NCAN: variants seen among roughly 807,000 people sequenced by gnomAD.
NCAN encodes neurocan, also known as neurocan core protein.
Under a neutral mutation model 121.8 loss-of-function variants are expected in NCAN, and 47 were observed. The ratio of observed to expected loss-of-function variants is 0.39; its 90% confidence interval spans 0.31 to 0.49. The LOEUF (loss-of-function observed/expected upper bound fraction) is 0.49. Among genes scored for constraint, NCAN ranks in the 20% least tolerant of loss-of-function variants. The pLI is 0.92. For missense variants in NCAN, 1,517 were observed against 1,773.4 expected, an observed-to-expected ratio of 0.86 and a Z score of 2.60; for synonymous variants, 633 against 702.0, an observed-to-expected ratio of 0.90 and a Z score of 1.55.
chr19:19,239,143 C>G (rs1378588707), intron 11 of NCAN, among the ~76,000 whole-genome samples: 1 of 152,102 alleles, frequency 6.6e-6, no homozygotes, highest in Non-Finnish European at 1.5e-5. Flanking sequence ...TCCCCTACTT[C>G]TCATTTCTGC....
At chr19:19,236,786 T>C (rs200496612) in intron 10 of NCAN, among the ~76,000 whole-genome samples, 1 of 151,562 alleles carries the variant, frequency 6.6e-6, no homozygotes, top group Admixed American at 6.6e-5. Context: ...GAAAGTACAG[T>C]GGTACAATCA....
intron 3 of NCAN, among the ~76,000 whole-genome samples, chr19:19,221,234 C>T (rs1415715189): frequency 6.7e-6 from 1 of 148,374 alleles, no homozygotes; most frequent in Admixed American, 6.7e-5. Flanking sequence ...CAGCAAGACC[C>T]TGTCTCAAAA....
Position 19,227,470 on chromosome 19 carries a change from C to T in NCAN, c.1850C>T (p.Ala617Val). ...LEATVSAPSP[A>V]PWEAFPVATS... ...GCCACTGTCTCAGCTCCCAGCCCTG[C>T]CCCCTGGGAGGCATTCCCTGTGGCC... The change falls in exon 8 of 15, where the codon GCC becomes GTC. Residue 617 changes from alanine (A) to valine (V), a missense_variant. Physicochemically the swap from Ala to Val is moderately conservative, Grantham distance 64 (BLOSUM62 0). Transcript: ENST00000252575. This position sits in a 1 kb window ranked among gnomAD's most constrained non-coding sequence, Gnocchi z 4.2. 6.2e-7 allele frequency: 1 copy of T among 1,613,550 alleles called. No homozygotes were observed. The highest frequency in any genetic ancestry group is 1.7e-5 in the Admixed American group (1 of 59,980).
At chr19:19,228,788 T>G (rs1424148394) in intron 8 of NCAN, 149 bp downstream of exon 8, 9 of 885,224 alleles carry the variant, frequency 1.0e-5, no homozygotes, top group Non-Finnish European at 1.5e-5. Flanking sequence ...TAGGAGCTTA[T>G]CAGGTGGAGT....
chr19:19,214,763 T>TGAGA (rs927690558), intron 1 of NCAN, among the ~76,000 whole-genome samples: 2 of 92,090 alleles, frequency 2.2e-5, no homozygotes, highest in African/African-American at 6.4e-5. Context: ...TGTGTGTGTG[T>TGAGA]GAGAGAGAGA....
In NCAN at chr19:19,226,911, C is replaced by G; in HGVS notation, c.1498C>G (p.Leu500Val). The change falls in exon 7 of 15, where the codon CTG becomes GTG. Residue 500 changes from leucine to valine, a missense_variant. Physicochemically the swap from Leu to Val is conservative, Grantham distance 32. Coordinates refer to ENST00000252575, the MANE Select transcript of NCAN (RefSeq NM_004386.3). ...YFQQQEPEPG[L>V]QGGMEASAQP... The stretch of plus-strand genomic sequence containing the variant: ...CCAGCAGCAGGAACCGGAGCCGGGG[C>G]TGCAAGGGGGGATGGAGGCCAGCGC... 1.2e-6 allele frequency: 2 copies of G among 1,603,490 alleles called. No individual in the cohort carries two copies. The highest frequency in any genetic ancestry group is 1.7e-6 in the Non-Finnish European group (2 of 1,173,776).
At chr19:19,244,701 C>T (rs951367433) in intron 12 of NCAN, among the ~76,000 whole-genome samples, 1 of 151,282 alleles carries the variant, frequency 6.6e-6, no homozygotes, top group African/African-American at 2.4e-5. Flanking sequence ...ATTTGTCCCA[C>T]CATGTATCTT....
chr19:19,226,694 G>C lies in NCAN; in HGVS notation c.1281G>C (p.Gln427His), dbSNP rs1347023477. 6.2e-7 allele frequency: 1 copy of C among 1,613,012 alleles called. No individual in the cohort carries two copies. The highest frequency in any genetic ancestry group is 1.3e-5 in the African/African-American group (1 of 74,932). Residue 427 changes from glutamine (Q) to histidine (H), a missense_variant, in exon 7 of 15, where the codon CAG (glutamine) becomes CAC (histidine). Transcript: ENST00000252575. The part of the protein sequence containing the change: ...LILEEKQESQ[Q>H]TLSPTPGDPM... ...TGGAGGAGAAGCAGGAGTCTCAACAGACCCTCAGCCCTACCCCTGGGGACC... is the reference window on the plus strand; with the variant it reads ...TGGAGGAGAAGCAGGAGTCTCAACACACCCTCAGCCCTACCCCTGGGGACC...
intron 12 of NCAN, among the ~76,000 whole-genome samples, chr19:19,241,085 G>A (rs970822498): frequency 1.3e-5 from 2 of 151,794 alleles, no homozygotes; most frequent in Admixed American, 6.6e-5. Flanking sequence ...GTGAAACCCC[G>A]TCTCTACTAA....
intron 13 of NCAN, among the ~76,000 whole-genome samples, chr19:19,246,529 A>G (rs2060925030): frequency 1.3e-5 from 2 of 151,914 alleles, no homozygotes; most frequent in Non-Finnish European, 2.9e-5. Context: ...GAGAATAACC[A>G]GTTGTTTTTT....
At position 19,224,213 on chromosome 19, in the gene NCAN, G is replaced by T. The variant is rs2146540939; in HGVS notation, c.650+18G>T. 2 of 1,587,418 alleles carry T rather than the reference G, an allele frequency of 1.3e-6. No homozygotes were observed. Reference sequence around the variant, plus strand: ...ACTGTTCGGTGAGGGGGATACACAGGGCAGGGAGATGAAGACTAGCTCATG... The same window carrying T: ...ACTGTTCGGTGAGGGGGATACACAGTGCAGGGAGATGAAGACTAGCTCATG... On this transcript the variant is annotated intron_variant, in intron 4 of 14. Transcript: ENST00000252575.
chr19:19,246,940 A>T (rs1291429874), intron 13 of NCAN, among the ~76,000 whole-genome samples: 2 of 152,078 alleles, frequency 1.3e-5, no homozygotes, highest in African/African-American at 2.4e-5. Flanking sequence ...TGACTTGTTG[A>T]TCTTACTGAT....
chr19:19,228,570 T>C lies in NCAN; in HGVS notation c.2950T>C (p.Trp984Arg). The C allele has an allele frequency of 6.2e-7, 1 of 1,612,900 alleles. No individual in the cohort carries two copies. The highest frequency in any genetic ancestry group is 1.3e-5 in the African/African-American group (1 of 74,986). Residue 984 changes from tryptophan (W) to arginine (R), a missense_variant, in exon 8 of 15, where the codon TGG becomes CGG. Transcript: ENST00000252575. ...AGGGAGCCCGGGTGTAGAGAGCTTC[T>C]GGGAGGAGGTGGCAAGTGGAGAGGA... is the stretch of plus-strand genomic sequence containing the variant. ...LAGSPGVESF[W>R]EEVASGEEPA...
chr19:19,235,573 A>AT (rs2060878100), intron 10 of NCAN, among the ~76,000 whole-genome samples: 2 of 136,570 alleles, frequency 1.5e-5, no homozygotes, highest in African/African-American at 5.9e-5. Context: ...CGCCTGCCCT[A>AT]TTTTATTTTA....
At chr19:19,215,224 T>C (rs1243424157) in intron 1 of NCAN, among the ~76,000 whole-genome samples, 1 of 152,150 alleles carries the variant, frequency 6.6e-6, no homozygotes, top group Non-Finnish European at 1.5e-5. Context: ...ACATACAGCC[T>C]CCCCTTCTGG....
Position 19,228,730 on chromosome 19 carries a change from T to G in NCAN, c.3019+91T>G. Reference sequence around the variant, plus strand: ...GGGATCCCAGAGCAGGGAGGAATGGTTGTCCCTGGGGATCTGGAAGCTTTC... The same window carrying G: ...GGGATCCCAGAGCAGGGAGGAATGGGTGTCCCTGGGGATCTGGAAGCTTTC... On this transcript the variant is annotated intron_variant, in intron 8 of 14. Transcript: ENST00000252575. The G allele has an allele frequency of 6.4e-6, 9 of 1,409,626 alleles. No homozygotes were observed. The South Asian group carries it at 1.3e-4, about 20-fold the overall frequency. The allele number at this position is 1,409,626 out of a possible 1,614,324, so 87.3% of individuals were successfully genotyped here.
chr19:19,250,624 G>A lies in NCAN; in HGVS notation c.*713G>A, dbSNP rs144033812. On this transcript the variant is annotated 3_prime_UTR_variant, in exon 15 of 15. Coordinates refer to ENST00000252575, the MANE Select transcript of NCAN (RefSeq NM_004386.3). ...CTAACCCTTCCAGGTCTAGTCCAGC[G>A]CTGAGATTTGGTGGTTCTGCATGTG... 3.2e-3 allele frequency: 528 copies of A among 163,368 alleles called. 3 individuals carry two copies. Among genetic ancestry groups the A allele is most frequent in the African/African-American group, 0.012 (486 of 41,658 alleles). 10.1% of individuals were successfully genotyped at this position (163,368 alleles called of 1,614,324 possible). A position where few individuals can be genotyped will look rare whatever the true frequency, so the allele number is the denominator to read the frequency against.
rs776083940 is a variant in NCAN, at chr19:19,227,241, C to T, written c.1661-40C>T. 34 of 1,516,232 alleles carry T rather than the reference C, an allele frequency of 2.2e-5. No individual in the cohort carries two copies. The highest frequency in any genetic ancestry group is 3.0e-5 in the Non-Finnish European group (34 of 1,133,780). 93.9% of individuals were successfully genotyped at this position (1,516,232 alleles called of 1,614,324 possible). A position where few individuals can be genotyped will look rare whatever the true frequency, so the allele number is the denominator to read the frequency against. ...GCCTGGAGTCCAACCAAAGGGGCTG[C>T]TGAGAGATCATTGTAATGATTGCCT... On this transcript the variant is annotated intron_variant, in intron 7 of 14. Transcript: ENST00000252575. This position sits in a 1 kb window ranked among gnomAD's most constrained non-coding sequence, Gnocchi z 4.2.
chr19:19,227,155 G>A lies in NCAN; in HGVS notation c.1660+82G>A. 4 of 1,491,126 alleles carry A rather than the reference G, an allele frequency of 2.7e-6. No individual in the cohort carries two copies. Among genetic ancestry groups the A allele is most frequent in the Non-Finnish European group, 3.6e-6 (4 of 1,121,910 alleles). The allele number at this position is 1,491,126 out of a possible 1,614,324, so 92.4% of individuals were successfully genotyped here. ...AGGTAGCCATGGCTACACTCAGAAT[G>A]AGGGAGGAAGCTCCAAATCCCAGCT... On this transcript the variant is annotated intron_variant, in intron 7 of 14. Coordinates refer to ENST00000252575, the MANE Select transcript of NCAN (RefSeq NM_004386.3). This position sits in a 1 kb window ranked among gnomAD's most constrained non-coding sequence, Gnocchi z 4.2.
Sources: allele counts gnomAD v4.1 joint callset (sites outside exome capture counted in the v4.1 genomes callset), GRCh38; gene constraint gnomAD v4.1.1; non-coding constraint Gnocchi (gnomAD v3.1); transcripts MANE v1.5; gene names NCBI Gene and HGNC (gene_info 2026-07-23, HGNC 2026-07-21).